Variants in RIN2 observed in about 807,000 individuals in gnomAD.
The protein encoded by RIN2 is RAB5 interacting protein 2.
A neutral mutation model predicts 78.0 loss-of-function variants in RIN2; 36 were observed. The observed-to-expected ratio is 0.46, with a 90% CI of 0.35 to 0.61. The LOEUF is 0.61. Among genes scored for constraint, RIN2 ranks in the 20% least tolerant of loss-of-function variants. The pLI is 0.00. For synonymous variants in RIN2, 466 were observed against 466.8 expected, an observed-to-expected ratio of 1.00 and a Z score of 0.02; for missense variants, 1,087 against 1,159.7, an observed-to-expected ratio of 0.94 and a Z score of 0.91.
At chr20:19,907,052 C>T (rs1041130861) in intron 3 of RIN2, among the ~76,000 whole-genome samples, 1 of 152,130 alleles carries the variant, frequency 6.6e-6, no homozygotes, top group Non-Finnish European at 1.5e-5. Flanking sequence ...GGCCTTCTTG[C>T]TGCGTCATTC....
intron 12 of RIN2, among the ~76,000 whole-genome samples, 175 bp downstream of exon 12, chr20:19,997,017 G>A (rs746714115): frequency 5.9e-5 from 9 of 152,020 alleles, no homozygotes; most frequent in Non-Finnish European, 1.0e-4. Flanking sequence ...ATTTATATAC[G>A]CATGGGATAC....
At chr20:19,974,568 C>A in intron 8 of RIN2, 86 bp from the exon 9 acceptor site, 1 of 1,356,458 alleles carries the variant, frequency 7.4e-7, no homozygotes, top group Non-Finnish European at 1.0e-6. Flanking sequence ...CTCGCGTTGT[C>A]ATGCAGTGTG....
intron 3 of RIN2, among the ~76,000 whole-genome samples, chr20:19,904,644 C>A (rs566703775): frequency 6.6e-6 from 1 of 152,300 alleles, no homozygotes; most frequent in East Asian, 1.9e-4. Flanking sequence ...TAATGAATGG[C>A]AGGCCGGAAG....
At chr20:19,944,386 A>G (rs2041001432) in intron 4 of RIN2, among the ~76,000 whole-genome samples, 1 of 152,040 alleles carries the variant, frequency 6.6e-6, no homozygotes. Flanking sequence ...TGAGGTGTAT[A>G]TTTGTGTTCC....
At chr20:19,991,601 T>C (rs771021294) in intron 10 of RIN2, among the ~76,000 whole-genome samples, 6 of 152,196 alleles carry the variant, frequency 3.9e-5, no homozygotes, top group Non-Finnish European at 8.8e-5. Context: ...TAAAGAAAAC[T>C]AGAAGTAAAC....
At chr20:19,979,847 A>G (rs932740092) in intron 9 of RIN2, among the ~76,000 whole-genome samples, 2 of 151,990 alleles carry the variant, frequency 1.3e-5, no homozygotes, top group East Asian at 3.9e-4. Flanking sequence ...GTTTGAGACC[A>G]GCCTGGCCAA....
In RIN2 at chr20:19,990,303, A is replaced by G; in HGVS notation, c.2060A>G (p.Asn687Ser). 2 of 1,610,998 alleles carry G rather than the reference A, an allele frequency of 1.2e-6. No homozygotes were observed. Among genetic ancestry groups the G allele is most frequent in the Non-Finnish European group, 1.7e-6 (2 of 1,177,644 alleles). The change falls in exon 10 of 13, where the codon AAC (asparagine) becomes AGC (serine). Residue 687 changes from asparagine (N) to serine (S), a missense_variant. Coordinates refer to ENST00000255006, the MANE Select transcript of RIN2 (RefSeq NM_018993.4). ...VCKLIYTVME[N>S]NSGRMYGADD... ...AAGCTCATTTACACGGTCATGGAGA[A>G]CAACTCAGGTGAGGCCGCTGGAAGC...
At position 19,977,530 on chromosome 20, in the gene RIN2, A is replaced by G. The variant is rs367563918; in HGVS notation, c.1762+1743A>G. ...AGCTATTCCAGTGGGTCCTCACCTC[A>G]CCCCTGTGAACAGGCATCGTCATCC... On this transcript the variant is annotated intron_variant, in intron 9 of 12. Transcript: ENST00000255006. Among the ~76,000 whole-genome samples the G allele has an allele frequency of 5.2e-4, 79 of 152,122 alleles. 2 individuals carry two copies. The East Asian group carries it at 7.4e-3, about 14-fold the overall frequency.
intron 9 of RIN2, among the ~76,000 whole-genome samples, chr20:19,986,664 G>A (rs1167931008): frequency 6.6e-6 from 1 of 152,172 alleles, no homozygotes; most frequent in Non-Finnish European, 1.5e-5. Flanking sequence ...AAGCAGCTGC[G>A]AGCCTTTTGG....
chr20:19,879,178 T>G (rs1187298243), intron 2 of RIN2, among the ~76,000 whole-genome samples: 1 of 152,218 alleles, frequency 6.6e-6, no homozygotes, highest in Non-Finnish European at 1.5e-5. Flanking sequence ...AAGACAGACT[T>G]TTAAACATGC....
rs545594776 is a variant in RIN2 at position 19,978,522 on chromosome 20, C to G, written c.1762+2735C>G. Among the ~76,000 whole-genome samples the G allele has an allele frequency of 7.2e-5, 11 of 152,336 alleles. No individual in the cohort carries two copies. In the South Asian group the frequency reaches 2.3e-3, roughly 32 times the overall value. On this transcript the variant is annotated intron_variant, in intron 9 of 12. Transcript: ENST00000255006. The stretch of plus-strand genomic sequence containing the variant: ...ACTATCCTTTCTAGCACTTTCTAGA[C>G]AAGTGCAAATGATAAACAGTGAATC...
At chr20:19,982,114 GAGA>G (rs1270476911) in intron 9 of RIN2, among the ~76,000 whole-genome samples, 2 of 152,186 alleles carry the variant, frequency 1.3e-5, no homozygotes, top group Non-Finnish European at 2.9e-5. Context: ...CCCTCAAAGA[GAGA>G]AGACTAATTG....
At chr20:19,856,408 C>T (rs1421074601) in intron 2 of RIN2, among the ~76,000 whole-genome samples, 2 of 151,808 alleles carry the variant, frequency 1.3e-5, no homozygotes, top group Non-Finnish European at 2.9e-5. Context: ...TGACATTTGC[C>T]TGTAGTCCCA....
intron 9 of RIN2, among the ~76,000 whole-genome samples, chr20:19,987,795 CT>C: frequency 6.6e-6 from 1 of 152,248 alleles, no homozygotes. Flanking sequence ...AGTTGTTCTG[CT>C]TTTTTTCCTA....
chr20:19,771,920 G>A (rs1489616381), intron 1 of RIN2, among the ~76,000 whole-genome samples: 1 of 152,104 alleles, frequency 6.6e-6, no homozygotes, highest in Non-Finnish European at 1.5e-5. Context: ...TTTGAGACAG[G>A]ATCTTGCTCT....
intron 11 of RIN2, among the ~76,000 whole-genome samples, chr20:19,993,286 C>T (rs1329957698): frequency 1.4e-5 from 2 of 146,210 alleles, no homozygotes; most frequent in Admixed American, 7.2e-5. Context: ...TTTTTTTTTT[C>T]CCGTGAGTTT....
intron 2 of RIN2, among the ~76,000 whole-genome samples, chr20:19,810,038 T>G (rs1006987598): frequency 4.6e-5 from 7 of 151,208 alleles, no homozygotes; most frequent in African/African-American, 7.3e-5. Context: ...AAGGCCAAGT[T>G]GCAGCCTTTC....
chr20:19,856,669 T>A (rs2037179789), intron 2 of RIN2, among the ~76,000 whole-genome samples: 1 of 151,928 alleles, frequency 6.6e-6, no homozygotes, highest in South Asian at 2.1e-4. Flanking sequence ...ATTGCCATGG[T>A]TTAATTGGCA....
At chr20:19,811,287 G>A (rs1213175360) in intron 2 of RIN2, among the ~76,000 whole-genome samples, 1 of 152,124 alleles carries the variant, frequency 6.6e-6, no homozygotes, top group Non-Finnish European at 1.5e-5. Context: ...GGCGCTAGGA[G>A]CTCTGCGAGG....
Sources: gnomAD v4.1 joint callset for allele counts (sites outside exome capture counted in the v4.1 genomes callset) on GRCh38, gnomAD v4.1.1 for gene constraint, MANE v1.5 for transcripts, NCBI Gene and HGNC (gene_info 2026-07-23, HGNC 2026-07-21) for gene names.